The following RBFOX1 variants were observed in gnomAD, a reference collection of about 807,000 sequenced individuals.
RBFOX1 encodes the protein RNA binding protein fox-1 homolog 1.
RBFOX1 carries 8 observed loss-of-function variants against 57.7 expected under a neutral mutation model. The ratio of observed to expected loss-of-function variants is 0.14; its 90% confidence interval spans 0.08 to 0.25. The LOEUF (loss-of-function observed/expected upper bound fraction) is 0.25. Among genes scored for constraint, RBFOX1 ranks in the 10% least tolerant of loss-of-function variants. The probability of loss-of-function intolerance (pLI) is 1.00; values close to 1 mark genes in which losing one functional copy is unlikely to be tolerated. For synonymous variants in RBFOX1, 326 were observed against 222.4 expected, an observed-to-expected ratio of 1.47 and a Z score of -4.15; for missense variants, 611 against 548.5, an observed-to-expected ratio of 1.11 and a Z score of -1.14.
At position 7,014,837 on chromosome 16, in the gene RBFOX1, G is replaced by T. The variant is rs540867550; in HGVS notation, c.-15-37220G>T. 1.4e-4 allele frequency among the ~76,000 whole-genome samples: 22 copies of T among 152,220 alleles called. 1 individual carries two copies. The East Asian group carries it at 4.3e-3, about 30-fold the overall frequency. On this transcript the variant is annotated intron_variant, in intron 3 of 15. Coordinates refer to ENST00000550418, the MANE Select transcript of RBFOX1 (RefSeq NM_018723.4). ...TCTCCAGGATTCAAGCACTTCTCCT[G>T]CATTAGCCTCCTGAGTAGCTGAGAT...
intron 4 of RBFOX1, among the ~76,000 whole-genome samples, chr16:7,459,505 C>T (rs576521481): frequency 2.8e-4 from 42 of 152,270 alleles, no homozygotes; most frequent in African/African-American, 9.9e-4. Flanking sequence ...TGTACATTTC[C>T]TGTTGCCAGA....
intron 10 of RBFOX1, among the ~76,000 whole-genome samples, chr16:7,620,851 C>T (rs571071425): frequency 6.4e-4 from 97 of 152,190 alleles, no homozygotes; most frequent in African/African-American, 2.3e-3. Context: ...CTTTCATTTC[C>T]TCTTGGGTTT....
chr16:5,635,094 T>G (rs1353274412), intron 3 of RBFOX1, among the ~76,000 whole-genome samples: 1 of 152,182 alleles, frequency 6.6e-6, no homozygotes, highest in Admixed American at 6.5e-5. Context: ...AAATGGGAAC[T>G]AATACAGTGT....
chr16:6,904,660 G>T (rs2069362513), intron 3 of RBFOX1, among the ~76,000 whole-genome samples: 1 of 138,972 alleles, frequency 7.2e-6, no homozygotes, highest in African/African-American at 2.7e-5. Flanking sequence ...CATACATCTT[G>T]TACCTGAGGA....
At chr16:6,985,807 C>G (rs2090109788) in intron 3 of RBFOX1, among the ~76,000 whole-genome samples, 1 of 139,426 alleles carries the variant, frequency 7.2e-6, no homozygotes, top group Admixed American at 7.4e-5. Flanking sequence ...GCACTCCGGC[C>G]TGGGCCACAG....
chr16:6,737,868 T>C (rs778424298), intron 3 of RBFOX1, among the ~76,000 whole-genome samples: 2 of 152,184 alleles, frequency 1.3e-5, no homozygotes, highest in Non-Finnish European at 2.9e-5. Flanking sequence ...AAATGTACTA[T>C]AATATTTTCG....
chr16:7,227,523 C>A (rs960288842), intron 4 of RBFOX1, among the ~76,000 whole-genome samples: 1 of 152,158 alleles, frequency 6.6e-6, no homozygotes, highest in Non-Finnish European at 1.5e-5. Flanking sequence ...TTCTGCAGCT[C>A]TTCAGACGCA....
At chr16:6,891,839 C>A (rs945951421) in intron 3 of RBFOX1, among the ~76,000 whole-genome samples, 1 of 152,116 alleles carries the variant, frequency 6.6e-6, no homozygotes, top group Non-Finnish European at 1.5e-5. Flanking sequence ...GCATATGATA[C>A]CATTATAGCT....
At chr16:5,614,351 A>G (rs999250296) in intron 3 of RBFOX1, among the ~76,000 whole-genome samples, 9 of 152,290 alleles carry the variant, frequency 5.9e-5, no homozygotes, top group African/African-American at 9.6e-5. Flanking sequence ...AGAATCTTCA[A>G]TGCAACTTTC....
At chr16:5,593,969 C>G (rs573298522) in intron 2 of RBFOX1, among the ~76,000 whole-genome samples, 1 of 152,102 alleles carries the variant, frequency 6.6e-6, no homozygotes, top group Non-Finnish European at 1.5e-5. Flanking sequence ...CGTAGGAACC[C>G]GTGATACACC....
In RBFOX1 at chr16:6,989,442, C is replaced by T. The variant is rs187153787; in HGVS notation, c.-15-62615C>T. 4.1e-3 allele frequency among the ~76,000 whole-genome samples: 630 copies of T among 152,096 alleles called. 4 individuals are homozygous for T. Among genetic ancestry groups the T allele is most frequent in the African/African-American group, 0.015 (607 of 41,486 alleles). On this transcript the variant is annotated intron_variant, in intron 3 of 15. Transcript: ENST00000550418. ...TAACGGTGCAATTAGAACTTTTTTT[C>T]CCCACATATTGGTACCTGTAAGTTA...
intron 1 of RBFOX1, among the ~76,000 whole-genome samples, chr16:5,389,053 T>C (rs1361304524): frequency 6.6e-6 from 1 of 150,944 alleles, no homozygotes; most frequent in Non-Finnish European, 1.5e-5. Context: ...TAGCCTGGCG[T>C]GGTGGCAGGC....
chr16:7,509,883 A>T (rs1477359701), intron 4 of RBFOX1, among the ~76,000 whole-genome samples: 1 of 152,130 alleles, frequency 6.6e-6, no homozygotes, highest in Non-Finnish European at 1.5e-5. Context: ...TTAGTTTAGT[A>T]ATGAAAAATT....
At chr16:6,524,604 T>C (rs2096553715) in intron 2 of RBFOX1, among the ~76,000 whole-genome samples, 2 of 152,290 alleles carry the variant, frequency 1.3e-5, no homozygotes, top group African/African-American at 4.8e-5. Flanking sequence ...TGGAGGATTG[T>C]GTTTGTGTTC....
chr16:7,066,119 A>T (rs1379052077), intron 4 of RBFOX1, among the ~76,000 whole-genome samples: 1 of 152,248 alleles, frequency 6.6e-6, no homozygotes. Context: ...TAAAGCCTAT[A>T]GTCATTAGGC....
intron 3 of RBFOX1, among the ~76,000 whole-genome samples, chr16:6,959,908 C>T (rs1022900921): frequency 6.6e-6 from 1 of 152,082 alleles, no homozygotes; most frequent in Admixed American, 6.5e-5. Flanking sequence ...TGCACTCTAG[C>T]CTGGGCGACA....
intron 4 of RBFOX1, among the ~76,000 whole-genome samples, chr16:7,130,720 C>A (rs752030800): frequency 6.6e-6 from 1 of 152,180 alleles, no homozygotes; most frequent in African/African-American, 2.4e-5. Context: ...GAAGTGTTCT[C>A]GAAGCCCATT....
chr16:6,764,260 A>G (rs1458688914), intron 3 of RBFOX1, among the ~76,000 whole-genome samples: 4 of 152,184 alleles, frequency 2.6e-5, no homozygotes, highest in African/African-American at 9.6e-5. Context: ...ACTTGAAAGC[A>G]CTGAAGTTCA....
intron 2 of RBFOX1, among the ~76,000 whole-genome samples, chr16:6,445,561 CTT>C (rs374322471): frequency 0.029 from 3,336 of 114,682 alleles, 69 homozygotes; most frequent in East Asian, 0.12. Flanking sequence ...CTCTGAACTC[CTT>C]TTTTTTTTTT....
Sources: allele counts gnomAD v4.1 joint callset (sites outside exome capture counted in the v4.1 genomes callset), GRCh38; gene constraint gnomAD v4.1.1; transcripts MANE v1.5; gene names NCBI Gene and HGNC (gene_info 2026-07-23, HGNC 2026-07-21).